The following TNFAIP3 variants were observed in gnomAD, a reference collection of about 807,000 sequenced individuals.
TNFAIP3 encodes the protein TNF alpha induced protein 3.
A neutral mutation model predicts 72.4 loss-of-function variants in TNFAIP3; 9 were observed. The observed-to-expected ratio is 0.12, with a 90% confidence interval of 0.07 to 0.22. The LOEUF is 0.22. Ranked by LOEUF, TNFAIP3 falls within the 10% of genes least tolerant of loss-of-function variation. TNFAIP3 has a pLI of 1.00. For synonymous variants in TNFAIP3, 339 were observed against 372.6 expected (o/e 0.91, Z 1.04); for missense variants, 833 against 1,018.7 (o/e 0.82, Z 2.48).
intron 2 of TNFAIP3, among the ~76,000 whole-genome samples, chr6:137,873,374 T>C (rs1460774134): frequency 2.0e-5 from 3 of 152,200 alleles, no homozygotes; most frequent in Non-Finnish European, 4.4e-5. Flanking sequence ...TGAAACTTCA[T>C]GTGAAAAATT....
chr6:137,871,205 CT>C lies in TNFAIP3; in HGVS notation c.-15-4del. ...AGAATGGCTTTTTTTTTTTCCTTTC[CT>C]TTTCAGGTGTTGGAGAGCACAATGG... On this transcript the variant is annotated splice_polypyrimidine_tract_variant and splice_region_variant and intron_variant, in intron 1 of 8. Coordinates refer to ENST00000612899, the MANE Select transcript of TNFAIP3 (RefSeq NM_001270508.2). The surrounding 1 kb of genome is among the most constrained non-coding windows in gnomAD (Gnocchi z 4.2). 1 of 1,567,034 alleles carries C rather than the reference CT, an allele frequency of 6.4e-7. No homozygotes were observed. Among genetic ancestry groups the C allele is most frequent in the Non-Finnish European group, 8.6e-7 (1 of 1,160,968 alleles).
Position 137,878,499 on chromosome 6 carries a change from G to A in TNFAIP3, c.1054G>A (p.Glu352Lys). ...TGATTACTTTGAACTTGTTCAGCAT[G>A]AGTACAAGAAATGGCAGGAAAACAG... The part of the protein sequence containing the change: ...VDDYFELVQH[E>K]YKKWQENSEQ... Residue 352 changes from glutamate to lysine, a missense_variant, in exon 7 of 9, where the codon GAG becomes AAG. By Grantham distance (56) the Glu-to-Lys change is moderately conservative. Transcript: ENST00000612899. 6.2e-7 allele frequency: 1 copy of A among 1,614,230 alleles called. No homozygotes were observed.
At chr6:137,875,538 AAGGGTG>A in intron 3 of TNFAIP3, 144 bp from the exon 4 acceptor site, 2 of 1,073,280 alleles carry the variant, frequency 1.9e-6, no homozygotes, top group Non-Finnish European at 2.6e-6. Context: ...ATGGGGAAAA[AAGGGTG>A]ATCATTTGAA....
At chr6:137,880,799 C>A (rs1486331545) in intron 8 of TNFAIP3, among the ~76,000 whole-genome samples, 4 of 152,146 alleles carry the variant, frequency 2.6e-5, no homozygotes, top group Non-Finnish European at 5.9e-5. Flanking sequence ...CCAACTTAGG[C>A]TTGGCGGTTT....
rs543704449 is a variant in TNFAIP3, at chr6:137,880,107, C to T, written c.1943C>T (p.Ala648Val). 13 of 1,614,120 alleles carry T rather than the reference C, an allele frequency of 8.1e-6. No homozygotes were observed. The highest frequency in any genetic ancestry group is 5.5e-5 in the South Asian group (5 of 91,072). ...GCCTCAGGGAAAGTCAGTCCCACAG[C>T]GTCCAGGTTCCAGAACACCATTCCG... is the stretch of plus-strand genomic sequence containing the variant. ...AAASGKVSPT[A>V]SRFQNTIPCL... The change falls in exon 8 of 9, where the codon GCG becomes GTG. Residue 648 changes from alanine (A) to valine (V), a missense_variant. This residue lies in a region of TNFAIP3 where 587 missense variants were observed against 657.8 expected (regional missense o/e 0.89). Coordinates refer to ENST00000612899, the MANE Select transcript of TNFAIP3 (RefSeq NM_001270508.2).
At chr6:137,874,600 A>G (rs1044857068) in intron 2 of TNFAIP3, among the ~76,000 whole-genome samples, 2 of 152,228 alleles carry the variant, frequency 1.3e-5, no homozygotes, top group Admixed American at 1.3e-4. Context: ...AGCTAGAACC[A>G]AGGTCCCCTG....
chr6:137,867,068 A>C (rs1775859506), upstream of TNFAIP3: 1 of 135,364 alleles, frequency 7.4e-6, no homozygotes, highest in Non-Finnish European at 1.6e-5. This position sits in a 1 kb window ranked among gnomAD's most constrained non-coding sequence, Gnocchi z 6.0. Context: ...GGGGCAGGGA[A>C]AGGGGGCGGG....
intron 1 of TNFAIP3, among the ~76,000 whole-genome samples, chr6:137,870,910 AG>A (rs1206432658): frequency 6.6e-6 from 1 of 152,212 alleles, no homozygotes; most frequent in Non-Finnish European, 1.5e-5. Context: ...GCTGACAGAC[AG>A]GGTTGGCTCC....
chr6:137,881,635 A>G lies in TNFAIP3; in HGVS notation c.*316A>G. 3.0e-6 allele frequency: 1 copy of G among 329,830 alleles called. No homozygotes were observed. The highest frequency in any genetic ancestry group is 5.5e-6 in the Non-Finnish European group (1 of 181,028). 20.4% of individuals were successfully genotyped at this position (329,830 alleles called of 1,614,324 possible). On this transcript the variant is annotated 3_prime_UTR_variant, in exon 9 of 9. Coordinates refer to ENST00000612899, the MANE Select transcript of TNFAIP3 (RefSeq NM_001270508.2). This position sits in a 1 kb window ranked among gnomAD's most constrained non-coding sequence, Gnocchi z 5.0. ...TTGGAAGGTGTGCGGGGACTGGCCG[A>G]GGCCCCTGCACCCTGCGCATCAGGA...
At chr6:137,877,633 T>C (rs867468418) in intron 6 of TNFAIP3, among the ~76,000 whole-genome samples, 2 of 152,244 alleles carry the variant, frequency 1.3e-5, no homozygotes, top group African/African-American at 4.8e-5. Flanking sequence ...ACAAAAGCCT[T>C]TCTCTCTTGG....
rs184063064 is a variant in TNFAIP3, at chr6:137,882,284, C to G, written c.*965C>G. Reference sequence around the variant, plus strand: ...ACCAGCTGCCTTTTTAAAGGGAGCTCTAGTCCTTTTTGTGTAATTCACTTT... The same window carrying G: ...ACCAGCTGCCTTTTTAAAGGGAGCTGTAGTCCTTTTTGTGTAATTCACTTT... On this transcript the variant is annotated 3_prime_UTR_variant, in exon 9 of 9. Coordinates refer to ENST00000612899, the MANE Select transcript of TNFAIP3 (RefSeq NM_001270508.2). 211 of 231,826 alleles carry G rather than the reference C, an allele frequency of 9.1e-4. No individual in the cohort carries two copies. The Middle Eastern group carries it at 0.013, about 14-fold the overall frequency. The allele number at this position is 231,826 out of a possible 1,614,324, so 14.4% of individuals were successfully genotyped here.
chr6:137,871,198 T>G lies in TNFAIP3; in HGVS notation c.-15-15T>G, dbSNP rs1776046024. 1 of 1,569,416 alleles carries G rather than the reference T, an allele frequency of 6.4e-7. No individual in the cohort carries two copies. The highest frequency in any genetic ancestry group is 8.6e-7 in the Non-Finnish European group (1 of 1,162,654). ...GGCTAATAGAATGGCTTTTTTTTTT[T>G]CCTTTCCTTTTCAGGTGTTGGAGAG... On this transcript the variant is annotated splice_polypyrimidine_tract_variant and intron_variant, in intron 1 of 8. Transcript: ENST00000612899. The surrounding 1 kb of genome is among the most constrained non-coding windows in gnomAD (Gnocchi z 4.2).
rs1376064167 is a variant in TNFAIP3, at chr6:137,867,434, G to A, written c.-124G>A. The A allele has an allele frequency of 6.6e-6, 1 of 152,506 alleles. No homozygotes were observed. The highest frequency in any genetic ancestry group is 1.5e-5 in the Non-Finnish European group (1 of 68,186). 9.4% of individuals were successfully genotyped at this position (152,506 alleles called of 1,614,324 possible). A position where few individuals can be genotyped will look rare whatever the true frequency, so the allele number is the denominator to read the frequency against. The stretch of plus-strand genomic sequence containing the variant: ...GGTCCCTGCCCCGACCCCCGCCTGC[G>A]GCGCGCTCCTGCCTTGACCAGGACT... On this transcript the variant is annotated 5_prime_UTR_variant, in exon 1 of 9. Coordinates refer to ENST00000612899, the MANE Select transcript of TNFAIP3 (RefSeq NM_001270508.2). The surrounding 1 kb of genome is among the most constrained non-coding windows in gnomAD (Gnocchi z 6.0).
At position 137,882,614 on chromosome 6, in the gene TNFAIP3, C is replaced by CCTACAT. The variant is rs1776500256; in HGVS notation, c.*1297_*1298insACATCT. On this transcript the variant is annotated 3_prime_UTR_variant, in exon 9 of 9. Coordinates refer to ENST00000612899, the MANE Select transcript of TNFAIP3 (RefSeq NM_001270508.2). ...GTTAATGCCTCTGAGTGTCCTACCTCCTTGGAGATGAGATAGGGAAGGAGC... is the reference window on the plus strand; with the variant it reads ...GTTAATGCCTCTGAGTGTCCTACCTCCTACATCTTGGAGATGAGATAGGGAAGGAGC... The CCTACAT allele has an allele frequency of 4.3e-6, 1 of 232,838 alleles. No homozygotes were observed. Among genetic ancestry groups the CCTACAT allele is most frequent in the Admixed American group, 5.6e-5 (1 of 17,760 alleles). The allele number at this position is 232,838 out of a possible 1,614,324, so 14.4% of individuals were successfully genotyped here.
chr6:137,880,158 T>C lies in TNFAIP3; in HGVS notation c.1994T>C (p.Leu665Pro). 1 of 1,614,130 alleles carries C rather than the reference T, an allele frequency of 6.2e-7. No individual in the cohort carries two copies. The highest frequency in any genetic ancestry group is 8.5e-7 in the Non-Finnish European group (1 of 1,180,000). The change falls in exon 8 of 9, where the codon CTT (leucine) becomes CCT (proline). Residue 665 changes from leucine to proline, a missense_variant. Physicochemically the swap from Leu to Pro is moderately conservative, Grantham distance 98. Transcript: ENST00000612899. Reference sequence around the variant, plus strand: ...TGCCTGGGGAGGGAATGCGGCACCCTTGGAAGCACCATGTTTGAAGGATAC... The same window carrying C: ...TGCCTGGGGAGGGAATGCGGCACCCCTGGAAGCACCATGTTTGAAGGATAC... Reference protein sequence around the residue: ...IPCLGRECGTLGSTMFEGYCQ... With the variant: ...IPCLGRECGTPGSTMFEGYCQ...
In TNFAIP3 at chr6:137,871,486, C is replaced by G. The variant is rs775850329; in HGVS notation, c.259C>G (p.Arg87Gly). 1 of 1,614,010 alleles carries G rather than the reference C, an allele frequency of 6.2e-7. No individual in the cohort carries two copies. The highest frequency in any genetic ancestry group is 1.3e-5 in the African/African-American group (1 of 74,912). The stretch of plus-strand genomic sequence containing the variant: ...AAGCCAGAAGAAACTCAACTGGTGT[C>G]GAGAAGTCCGGAAGCTTGTGGCGCT... Reference protein sequence around the residue: ...LESQKKLNWCREVRKLVALKT... With the variant: ...LESQKKLNWCGEVRKLVALKT... Residue 87 changes from arginine (R) to glycine (G), a missense_variant, in exon 2 of 9, where the codon CGA becomes GGA. Coordinates refer to ENST00000612899, the MANE Select transcript of TNFAIP3 (RefSeq NM_001270508.2). The surrounding 1 kb of genome is among the most constrained non-coding windows in gnomAD (Gnocchi z 4.2).
chr6:137,879,000 G>C lies in TNFAIP3; in HGVS notation c.1555G>C (p.Gly519Arg), dbSNP rs762149390. 1.2e-6 allele frequency: 2 copies of C among 1,614,064 alleles called. No homozygotes were observed. The highest frequency in any genetic ancestry group is 1.7e-6 in the Non-Finnish European group (2 of 1,180,040). ...APDHTRHLDP[G>R]KCQACLQDVT... ...AGACCACACAAGGCACTTGGATCCC[G>C]GGAAGTGCCAAGCCTGCCTCCAGGA... The change falls in exon 7 of 9, where the codon GGG (glycine) becomes CGG (arginine). Residue 519 changes from glycine to arginine, a missense_variant. Around this residue, in one of 2 missense-constraint regions of TNFAIP3, gnomAD observed 587 missense variants for 657.8 expected, o/e 0.89. Transcript: ENST00000612899.
chr6:137,871,217 T>C lies in TNFAIP3; in HGVS notation c.-11T>C. 6.2e-7 allele frequency: 1 copy of C among 1,600,674 alleles called. No homozygotes were observed. Among genetic ancestry groups the C allele is most frequent in the Non-Finnish European group, 8.5e-7 (1 of 1,173,824 alleles). On this transcript the variant is annotated 5_prime_UTR_variant, in exon 2 of 9. Transcript: ENST00000612899. The surrounding 1 kb of genome is among the most constrained non-coding windows in gnomAD (Gnocchi z 4.2). ...TTTTTTTCCTTTCCTTTTCAGGTGT[T>C]GGAGAGCACAATGGCTGAACAAGTC... is the stretch of plus-strand genomic sequence containing the variant.
chr6:137,878,112 G>A (rs1320124475), intron 6 of TNFAIP3, among the ~76,000 whole-genome samples: 2 of 152,192 alleles, frequency 1.3e-5, no homozygotes, highest in African/African-American at 4.8e-5. Context: ...AAAGTCAACT[G>A]ATTTTTCTTA....
Sources: allele counts gnomAD v4.1 joint callset (sites outside exome capture counted in the v4.1 genomes callset), GRCh38; gene constraint gnomAD v4.1.1; regional missense constraint gnomAD v4.1.1; non-coding constraint Gnocchi (gnomAD v3.1); transcripts MANE v1.5; gene names NCBI Gene and HGNC (gene_info 2026-07-23, HGNC 2026-07-21).